URB1: variants seen among roughly 807,000 people sequenced by gnomAD.
URB1 encodes the protein URB1 ribosome biogenesis factor.
In URB1, 197 loss-of-function variants were observed where a neutral mutation model predicts 242.3. That is an observed-to-expected ratio of 0.81 (90% CI 0.72 to 0.91). The LOEUF (loss-of-function observed/expected upper bound fraction) is 0.91. URB1 is among the 40% of genes least tolerant of loss of function. The probability of loss-of-function intolerance (pLI) is 0.00; values close to 1 mark genes in which losing one functional copy is unlikely to be tolerated. For missense variants in URB1, 2,721 were observed against 2,860.5 expected (o/e 0.95, Z 1.11); for synonymous variants, 1,153 against 1,201.8 (o/e 0.96, Z 0.84).
chr21:32,365,343 CAG>C (rs900843506), intron 10 of URB1, among the ~76,000 whole-genome samples: 4 of 152,028 alleles, frequency 2.6e-5, no homozygotes, highest in African/African-American at 9.7e-5. Flanking sequence ...CCCAGCTACT[CAG>C]GGGGCTGAGG....
chr21:32,390,033 G>A (rs913864950), intron 1 of URB1, among the ~76,000 whole-genome samples: 8 of 152,310 alleles, frequency 5.3e-5, no homozygotes, highest in African/African-American at 9.6e-5. Context: ...TTATGAGAGC[G>A]TATAAAGAGG....
intron 1 of URB1, among the ~76,000 whole-genome samples, chr21:32,389,568 T>A (rs1451094555): frequency 6.6e-6 from 1 of 152,132 alleles, no homozygotes; most frequent in East Asian, 1.9e-4. Flanking sequence ...AGCAGACAGA[T>A]TCCAGAAATT....
chr21:32,353,920 T>C lies in URB1; in HGVS notation c.2416+13A>G. The C allele has an allele frequency of 6.4e-7, 1 of 1,551,324 alleles. No individual in the cohort carries two copies. Among genetic ancestry groups the C allele is most frequent in the Non-Finnish European group, 8.7e-7 (1 of 1,146,808 alleles). On this transcript the variant is annotated intron_variant, in intron 18 of 38. Coordinates refer to ENST00000382751, the MANE Select transcript of URB1 (RefSeq NM_014825.3). ...CCAGGTGCAGCCAAGACATCCTGAC[T>C]ATACATAGGTACCTGCTTCATTGCC...
At chr21:32,391,422 C>T (rs965591763) in intron 1 of URB1, among the ~76,000 whole-genome samples, 17 of 151,842 alleles carry the variant, frequency 1.1e-4, no homozygotes, top group African/African-American at 3.6e-4. Context: ...CTTTGAGCTC[C>T]CAGATTAGAT....
At chr21:32,372,780 C>A in intron 7 of URB1, 149 bp from the exon 8 acceptor site, 1 of 968,612 alleles carries the variant, frequency 1.0e-6, no homozygotes, top group Non-Finnish European at 1.5e-6. Flanking sequence ...TAAATGAAAA[C>A]AACAACAAAA....
chr21:32,335,725 C>G (rs187422432), intron 28 of URB1: 1 of 152,564 alleles, frequency 6.6e-6, no homozygotes, highest in Non-Finnish European at 1.5e-5. Context: ...CATCACAGAC[C>G]GGCGGGAGAG....
chr21:32,350,619 G>A, intron 20 of URB1, 85 bp downstream of exon 20: 1 of 1,444,964 alleles, frequency 6.9e-7, no homozygotes, highest in Non-Finnish European at 9.4e-7. Context: ...GCAAGAGTGT[G>A]CTGGGCTGTG....
chr21:32,337,582 G>C (rs2032976223), intron 26 of URB1, 68 bp from the exon 27 acceptor site: 1 of 1,334,270 alleles, frequency 7.5e-7, no homozygotes, highest in Non-Finnish European at 1.0e-6. Context: ...GAAGAGGAGA[G>C]AGCCTTCCAG....
intron 28 of URB1, among the ~76,000 whole-genome samples, chr21:32,336,035 C>G (rs1435673392): frequency 6.6e-6 from 1 of 152,118 alleles, no homozygotes; most frequent in Admixed American, 6.5e-5. Context: ...AACCCGCCTC[C>G]GACTTGCTCT....
chr21:32,312,234 C>T lies in URB1; in HGVS notation c.*2684G>A, dbSNP rs2032600541. ...GCACACCTAGCCTGCTTGCTTACTGCTTATATTTGCTCAGGGAAGAGTAGG... is the reference window on the plus strand; with the variant it reads ...GCACACCTAGCCTGCTTGCTTACTGTTTATATTTGCTCAGGGAAGAGTAGG... On this transcript the variant is annotated 3_prime_UTR_variant, in exon 39 of 39. Transcript: ENST00000382751. The T allele has an allele frequency of 7.0e-7, 1 of 1,433,368 alleles. No individual in the cohort carries two copies. Among genetic ancestry groups the T allele is most frequent in the Non-Finnish European group, 9.1e-7 (1 of 1,096,844 alleles). 88.8% of individuals were successfully genotyped at this position (1,433,368 alleles called of 1,614,324 possible).
rs1568827738 is a variant in URB1, at chr21:32,368,596, C to T, written c.1004G>A (p.Gly335Asp). Residue 335 changes from glycine (G) to aspartate (D), a missense_variant and splice_region_variant, in exon 9 of 39, where the codon GGC becomes GAC. Gly to Asp is a moderately conservative substitution (Grantham distance 94). Transcript: ENST00000382751. Reference sequence around the variant, plus strand: ...GAAGTGCAAGAGTGTCAGGTTTCCGCCTCTGTTAGAGAAAGACACATGGGG... The same window carrying T: ...GAAGTGCAAGAGTGTCAGGTTTCCGTCTCTGTTAGAGAAAGACACATGGGG... ...YDASLGTFGR[G>D]GNLTLLHFLL... 4.5e-6 allele frequency: 7 copies of T among 1,549,206 alleles called. No individual in the cohort carries two copies. In the South Asian group the frequency reaches 7.2e-5, roughly 16 times the overall value.
In URB1 at chr21:32,347,599, G is replaced by A; in HGVS notation, c.3225C>T (p.Tyr1075=). 6.4e-7 allele frequency: 1 copy of A among 1,551,626 alleles called. No individual in the cohort carries two copies. The highest frequency in any genetic ancestry group is 2.4e-5 in the East Asian group (1 of 40,892). Residue 1075 remains tyrosine, a synonymous_variant, in exon 22 of 39, where the codon TAC becomes TAT. Transcript: ENST00000382751. The part of the protein sequence containing the change: ...NIGQLGLLAR[Y]SEAITQSVLK... ...GCACACTCTGGGTGATGGCCTCTGA[G>A]TACCTGGCCAGAAGGCCCAGCTGCC...
intron 9 of URB1, 108 bp from the exon 10 acceptor site, chr21:32,366,863 G>A: frequency 2.4e-6 from 3 of 1,243,454 alleles, no homozygotes; most frequent in Non-Finnish European, 1.1e-6. Flanking sequence ...AATTATAGCG[G>A]TAAAGGTCCG....
At chr21:32,366,556 T>C in intron 10 of URB1, 62 bp downstream of exon 10, 1 of 1,543,340 alleles carries the variant, frequency 6.5e-7, no homozygotes, top group Non-Finnish European at 8.8e-7. Flanking sequence ...AATAATCACA[T>C]CATGTAGCCA....
intron 14 of URB1, among the ~76,000 whole-genome samples, chr21:32,358,427 G>A (rs180849992): frequency 6.6e-6 from 1 of 152,244 alleles, no homozygotes; most frequent in East Asian, 1.9e-4. Context: ...CTGATAGAAC[G>A]GATTGCTTAT....
chr21:32,345,062 T>G (rs1031518538), intron 23 of URB1, among the ~76,000 whole-genome samples: 1 of 152,146 alleles, frequency 6.6e-6, no homozygotes, highest in Non-Finnish European at 1.5e-5. Flanking sequence ...ATTCTACCCT[T>G]TAGAAGCCAG....
At chr21:32,333,566 A>G (rs2032920772) in intron 29 of URB1, 147 bp from the exon 30 acceptor site, 1 of 643,914 alleles carries the variant, frequency 1.6e-6, no homozygotes, top group Non-Finnish European at 2.7e-6. Flanking sequence ...TGGGGATGGG[A>G]GCCAAGTTTA....
intron 12 of URB1, 88 bp from the exon 13 acceptor site, chr21:32,361,211 C>T: frequency 3.4e-6 from 1 of 298,414 alleles, no homozygotes; most frequent in South Asian, 3.3e-5. Flanking sequence ...AAGAAAATAG[C>T]TTGAATTAGA....
intron 35 of URB1, among the ~76,000 whole-genome samples, chr21:32,319,745 CTTGAAG>C (rs1324159783): frequency 6.6e-6 from 1 of 152,206 alleles, no homozygotes; most frequent in East Asian, 1.9e-4. Flanking sequence ...CTGAAACAGT[CTTGAAG>C]TTGATGTCCA....
Sources: allele counts gnomAD v4.1 joint callset (sites outside exome capture counted in the v4.1 genomes callset), GRCh38; gene constraint gnomAD v4.1.1; transcripts MANE v1.5; gene names NCBI Gene and HGNC (gene_info 2026-07-23, HGNC 2026-07-21).